Variants in DUSP9 observed in about 807,000 individuals in gnomAD.
DUSP9 encodes dual specificity protein phosphatase 9.
A neutral mutation model predicts 13.2 loss-of-function variants in DUSP9; 4 were observed. That is an observed-to-expected ratio of 0.30 (90% confidence interval 0.15 to 0.69). The LOEUF (loss-of-function observed/expected upper bound fraction) is 0.69. DUSP9 is among the 30% of genes least tolerant of loss of function. The probability of loss-of-function intolerance (pLI) is 0.73; values close to 1 mark genes in which losing one functional copy is unlikely to be tolerated. For missense variants in DUSP9, 263 were observed against 355.0 expected, an observed-to-expected ratio of 0.74 and a Z score of 2.08; for synonymous variants, 166 against 172.3, an observed-to-expected ratio of 0.96 and a Z score of 0.29.
upstream of DUSP9, among the ~76,000 whole-genome samples, chrX:153,646,824 GA>G (rs1557035578): frequency 8.9e-6 from 1 of 112,648 alleles, no homozygotes; most frequent in African/African-American, 3.2e-5. Flanking sequence ...TGCTAGCTCT[GA>G]GCCCATTACA....
upstream of DUSP9, among the ~76,000 whole-genome samples, chrX:153,644,059 G>A (rs1226965256): frequency 8.9e-6 from 1 of 111,796 alleles, no homozygotes; most frequent in Non-Finnish European, 1.9e-5. Flanking sequence ...CGCTGTCGCC[G>A]GGACTTGTGC....
upstream of DUSP9, chrX:153,642,696 GC>G (rs2091173698): frequency 1.5e-5 from 1 of 65,759 alleles, no homozygotes; most frequent in South Asian, 6.7e-4. Context: ...CCTCCACCCT[GC>G]ACCCCCAAAG....
Sources: gnomAD v4.1 joint callset for allele counts (sites outside exome capture counted in the v4.1 genomes callset) on GRCh38, gnomAD v4.1.1 for gene constraint, MANE v1.5 for transcripts, NCBI Gene and HGNC (gene_info 2026-07-23, HGNC 2026-07-21) for gene names.